FSTL4: variants seen among roughly 807,000 people sequenced by gnomAD.
The protein encoded by FSTL4 is follistatin like 4, also known as follistatin-related protein 4.
FSTL4 carries 28 observed loss-of-function variants against 78.2 expected under a neutral mutation model. That is an observed-to-expected ratio of 0.36 (90% CI 0.27 to 0.49). The LOEUF (loss-of-function observed/expected upper bound fraction) is 0.49. Ranked by LOEUF, FSTL4 falls within the 20% of genes least tolerant of loss-of-function variation. FSTL4 has a pLI of 0.98. For synonymous variants in FSTL4, 422 were observed against 440.5 expected (o/e 0.96, Z 0.53); for missense variants, 922 against 1,084.9 (o/e 0.85, Z 2.11).
intron 3 of FSTL4, among the ~76,000 whole-genome samples, chr5:133,415,314 C>G (rs908608191): frequency 1.3e-5 from 2 of 152,180 alleles, no homozygotes; most frequent in African/African-American, 4.8e-5. Flanking sequence ...CCTCCACTGT[C>G]GTTGATGTAT....
At chr5:133,357,502 G>A (rs1037501093) in intron 4 of FSTL4, among the ~76,000 whole-genome samples, 1 of 152,160 alleles carries the variant, frequency 6.6e-6, no homozygotes, top group Non-Finnish European at 1.5e-5. Flanking sequence ...TTCTAGTTGT[G>A]TTTGGCCTAT....
intron 4 of FSTL4, among the ~76,000 whole-genome samples, chr5:133,320,931 C>G (rs151293511): frequency 7.0e-6 from 1 of 141,878 alleles, no homozygotes; most frequent in African/African-American, 2.7e-5. Context: ...GGTATGAACC[C>G]GGGAGGCACA....
chr5:133,690,806 A>G, the FSTL4 span, among the ~76,000 whole-genome samples: 17 of 152,122 alleles, frequency 1.1e-4, no homozygotes, highest in Non-Finnish European at 2.4e-4. Flanking sequence ...CAAATTCAAA[A>G]CTTCATATTT....
chr5:133,205,727 T>G (rs1750476359), intron 14 of FSTL4, among the ~76,000 whole-genome samples: 1 of 152,192 alleles, frequency 6.6e-6, no homozygotes, highest in Non-Finnish European at 1.5e-5. Context: ...CAATATAAAA[T>G]CTTTAGAAAC....
chr5:133,583,540 G>T lies in FSTL4; in HGVS notation c.127-16321C>A, dbSNP rs373559097. The T allele has an allele frequency of 4.8e-3, 824 of 173,178 alleles. 39 individuals carry two copies. The highest frequency in any genetic ancestry group is 0.023 in the African/African-American group (779 of 34,018). The allele number at this position is 173,178 out of a possible 1,614,324, so 10.7% of individuals were successfully genotyped here. ...CGAGTCAAAGAAAGGGGTGACGGAC[G>T]CACCTGGAAAATCGGGTCACTCCCA... On this transcript the variant is annotated intron_variant, in intron 2 of 15. Coordinates refer to ENST00000265342, the MANE Select transcript of FSTL4 (RefSeq NM_015082.2).
the FSTL4 span, among the ~76,000 whole-genome samples, chr5:133,722,905 C>A: frequency 6.6e-6 from 1 of 152,174 alleles, no homozygotes; most frequent in Admixed American, 6.5e-5. Flanking sequence ...ATGGTCTGGG[C>A]TACAGAAGTT....
intron 4 of FSTL4, among the ~76,000 whole-genome samples, chr5:133,349,395 G>C (rs1173373924): frequency 6.6e-6 from 1 of 151,894 alleles, no homozygotes; most frequent in Non-Finnish European, 1.5e-5. Context: ...CAGCGGTGCA[G>C]AAGTCATTGA....
chr5:133,466,118 A>G (rs1757700940), intron 3 of FSTL4, among the ~76,000 whole-genome samples: 1 of 152,210 alleles, frequency 6.6e-6, no homozygotes, highest in South Asian at 2.1e-4. Context: ...TTCTCACCAC[A>G]TCCTGCTCCC....
chr5:133,539,789 A>G (rs1469646129), intron 3 of FSTL4, among the ~76,000 whole-genome samples: 7 of 151,968 alleles, frequency 4.6e-5, no homozygotes, highest in African/African-American at 7.3e-5. Context: ...CACTGTCTCT[A>G]TCACTTACAG....
At chr5:133,480,059 C>G (rs1757998182) in intron 3 of FSTL4, among the ~76,000 whole-genome samples, 1 of 152,220 alleles carries the variant, frequency 6.6e-6, no homozygotes, top group South Asian at 2.1e-4. Context: ...ATGTTTGTGA[C>G]AGGACCTAAC....
intron 4 of FSTL4, among the ~76,000 whole-genome samples, chr5:133,347,326 C>T (rs1156623593): frequency 6.6e-6 from 1 of 152,136 alleles, no homozygotes; most frequent in Non-Finnish European, 1.5e-5. Context: ...GGTGACCCCA[C>T]CCAATCCTCT....
intron 6 of FSTL4, among the ~76,000 whole-genome samples, chr5:133,271,280 A>T (rs943274956): frequency 4.6e-5 from 7 of 152,126 alleles, no homozygotes; most frequent in African/African-American, 1.7e-4. Flanking sequence ...GTTCTTTAGG[A>T]GCCATCGGCT....
intron 5 of FSTL4, among the ~76,000 whole-genome samples, chr5:133,314,531 G>A (rs1379665106): frequency 6.6e-6 from 1 of 152,046 alleles, no homozygotes; most frequent in Admixed American, 6.5e-5. Flanking sequence ...CTAGGGTTCT[G>A]GAGGTACTTG....
chr5:133,589,525 A>G (rs1191326654), intron 2 of FSTL4, among the ~76,000 whole-genome samples: 2 of 152,120 alleles, frequency 1.3e-5, no homozygotes, highest in Non-Finnish European at 2.9e-5. Context: ...AAGGAATGTT[A>G]ATATGTTAAT....
At chr5:133,814,476 C>T in the FSTL4 span, among the ~76,000 whole-genome samples, 1 of 152,096 alleles carries the variant, frequency 6.6e-6, no homozygotes, top group East Asian at 1.9e-4. Flanking sequence ...CCACCCAGCC[C>T]GGGAGCTAGG....
intron 2 of FSTL4, among the ~76,000 whole-genome samples, chr5:133,581,740 A>G (rs1322964517): frequency 6.6e-6 from 1 of 152,268 alleles, no homozygotes; most frequent in African/African-American, 2.4e-5. Context: ...CCCTAAACCA[A>G]TTAAATCACA....
chr5:133,457,950 G>A (rs1387588899), intron 3 of FSTL4: 2 of 152,162 alleles, frequency 1.3e-5, no homozygotes, highest in Non-Finnish European at 2.9e-5. Flanking sequence ...GGAGGAAGGG[G>A]TTAATGTCAA....
chr5:133,535,244 G>A (rs1322921495), intron 3 of FSTL4, among the ~76,000 whole-genome samples: 6 of 152,154 alleles, frequency 3.9e-5, no homozygotes, highest in African/African-American at 1.4e-4. Context: ...GAACTGTTGG[G>A]AGCAAGCCCC....
chr5:133,483,883 G>A (rs943192416), intron 3 of FSTL4, among the ~76,000 whole-genome samples: 10 of 152,324 alleles, frequency 6.6e-5, no homozygotes, highest in Admixed American at 5.9e-4. Context: ...CTACAGAGGT[G>A]CTGGCTATAA....
Sources: gnomAD v4.1 joint callset for allele counts (sites outside exome capture counted in the v4.1 genomes callset) on GRCh38, gnomAD v4.1.1 for gene constraint, MANE v1.5 for transcripts, NCBI Gene and HGNC (gene_info 2026-07-23, HGNC 2026-07-21) for gene names.